The following SLC20A2 variants were observed in gnomAD, a reference collection of about 807,000 sequenced individuals.
The protein encoded by SLC20A2 is solute carrier family 20 member 2.
A neutral mutation model predicts 61.0 loss-of-function variants in SLC20A2; 30 were observed. The observed-to-expected ratio is 0.49, with a 90% CI of 0.37 to 0.67. SLC20A2 has a LOEUF of 0.67. SLC20A2 is among the 30% of genes least tolerant of loss of function. SLC20A2 has a pLI of 0.00. For synonymous variants in SLC20A2, 351 were observed against 353.3 expected (o/e 0.99, Z 0.07); for missense variants, 626 against 866.4 (o/e 0.72, Z 3.48).
intron 1 of SLC20A2, among the ~76,000 whole-genome samples, chr8:42,477,078 T>G (rs941759339): frequency 2.0e-5 from 3 of 152,192 alleles, no homozygotes; most frequent in African/African-American, 7.2e-5. Context: ...TCGGAAAGCA[T>G]AAGGCCCCGT....
intron 1 of SLC20A2, among the ~76,000 whole-genome samples, chr8:42,524,154 A>T (rs904966700): frequency 6.6e-6 from 1 of 152,234 alleles, no homozygotes; most frequent in African/African-American, 2.4e-5. Context: ...TTTTCACTAA[A>T]GCCACATTTT....
At chr8:42,540,355 C>T (rs1813019219) in intron 1 of SLC20A2, among the ~76,000 whole-genome samples, 1 of 152,156 alleles carries the variant, frequency 6.6e-6, no homozygotes, top group African/African-American at 2.4e-5. Flanking sequence ...ATCAAACTCA[C>T]GTATTCAAAT....
chr8:42,531,553 A>C (rs1004551624), intron 1 of SLC20A2, among the ~76,000 whole-genome samples: 1 of 152,190 alleles, frequency 6.6e-6, no homozygotes, highest in Non-Finnish European at 1.5e-5. Context: ...TAGAAGAATA[A>C]AGGAAAAATA....
At chr8:42,462,928 C>T in intron 4 of SLC20A2, 77 bp downstream of exon 4, 1 of 763,906 alleles carries the variant, frequency 1.3e-6, no homozygotes, top group African/African-American at 1.8e-5. Flanking sequence ...TCCTCTAACC[C>T]CTCTCATTAT....
chr8:42,485,034 G>A (rs890345372), intron 1 of SLC20A2: 2 of 221,360 alleles, frequency 9.0e-6, no homozygotes, highest in South Asian at 6.1e-5. Flanking sequence ...TCGAAACTGC[G>A]GGAGGGAGGT....
Position 42,437,449 on chromosome 8 carries a change from T to C in SLC20A2, c.1063A>G (p.Lys355Glu). 1 of 1,614,114 alleles carries C rather than the reference T, an allele frequency of 6.2e-7. No homozygotes were observed. Among genetic ancestry groups the C allele is most frequent in the Non-Finnish European group, 8.5e-7 (1 of 1,180,004 alleles). The change falls in exon 8 of 11, where the codon AAA (lysine) becomes GAA (glutamate). Residue 355 changes from lysine to glutamate, a missense_variant. Lys to Glu is a moderately conservative substitution (Grantham distance 56). Transcript: ENST00000520262. This position sits in a 1 kb window ranked among gnomAD's most constrained non-coding sequence, Gnocchi z 6.4. ...HTVHKDSGLY[K>E]DLLHKIHIDR... The stretch of plus-strand genomic sequence containing the variant: ...ATGTGGATTTTGTGCAGCAGATCTT[T>C]GTAGAGCCCCGAGTCTTTGTGCACG...
At chr8:42,506,671 G>A (rs2131363505) in intron 1 of SLC20A2, among the ~76,000 whole-genome samples, 1 of 152,344 alleles carries the variant, frequency 6.6e-6, no homozygotes, top group South Asian at 2.1e-4. Context: ...CTCTGTAGCT[G>A]CGCCAGCCTG....
intron 10 of SLC20A2, chr8:42,419,636 G>C (rs1802911707): frequency 1.3e-6 from 1 of 776,404 alleles, no homozygotes; most frequent in Non-Finnish European, 1.6e-6. Flanking sequence ...CTACTTCAAG[G>C]AAGAGCTCTT....
intron 1 of SLC20A2, among the ~76,000 whole-genome samples, chr8:42,517,280 A>T (rs1055713642): frequency 9.2e-5 from 14 of 151,600 alleles, no homozygotes; most frequent in Non-Finnish European, 1.9e-4. Context: ...AGGTGGGAGG[A>T]TCACCTGAAC....
At chr8:42,445,650 C>T (rs1805152683) in intron 5 of SLC20A2, among the ~76,000 whole-genome samples, 1 of 152,180 alleles carries the variant, frequency 6.6e-6, no homozygotes, top group Non-Finnish European at 1.5e-5. Flanking sequence ...TCACTTGAGC[C>T]TGGGAGGCGG....
intron 2 of SLC20A2, among the ~76,000 whole-genome samples, chr8:42,468,004 G>A (rs927217087): frequency 5.9e-5 from 9 of 151,472 alleles, no homozygotes; most frequent in East Asian, 5.8e-4. Flanking sequence ...CTGGGTTCAC[G>A]CCATTCTCCT....
rs1253158584 is a variant in SLC20A2 at position 42,437,851 on chromosome 8, T to A, written c.935-274A>T. On this transcript the variant is annotated intron_variant, in intron 7 of 10. Transcript: ENST00000520262. The surrounding 1 kb of genome is among the most constrained non-coding windows in gnomAD (Gnocchi z 6.4). Reference sequence around the variant, plus strand: ...GGATGGTCTCAAGCTCCTAACCTCATGATCCGCCCACCTTGGCCTCCTAAA... The same window carrying A: ...GGATGGTCTCAAGCTCCTAACCTCAAGATCCGCCCACCTTGGCCTCCTAAA... Among the ~76,000 whole-genome samples the A allele has an allele frequency of 6.6e-6, 1 of 151,608 alleles. No homozygotes were observed. Among genetic ancestry groups the A allele is most frequent in the Non-Finnish European group, 1.5e-5 (1 of 67,864 alleles).
intron 10 of SLC20A2, among the ~76,000 whole-genome samples, chr8:42,423,699 A>G (rs967970643): frequency 6.6e-6 from 1 of 152,118 alleles, no homozygotes; most frequent in Admixed American, 6.5e-5. Context: ...CTAAGACAGT[A>G]ATTTCTGAGT....
At chr8:42,435,406 C>T (rs560443217) in intron 8 of SLC20A2, among the ~76,000 whole-genome samples, 3 of 152,260 alleles carry the variant, frequency 2.0e-5, no homozygotes, top group South Asian at 2.1e-4. Flanking sequence ...AGAAACCGAG[C>T]GAGTGGGGAG....
intron 1 of SLC20A2, chr8:42,541,387 G>GGCGGCGCGCGCAGCCCGGGCGGGGGTC (rs1279048215): frequency 5.3e-4 from 78 of 147,794 alleles, no homozygotes; most frequent in African/African-American, 1.9e-3. Context: ...GCTCGCGGGA[G>GGCGGCGCGCGCAGCCCGGGCGGGGGTC]GCGGCGCGCG....
Position 42,417,576 on chromosome 8 carries a change from C to A in SLC20A2, c.*227G>T. ...GCACCACATTATATCACCACGATAC[C>A]AGTTTAATACATATTATTATGTACA... is the stretch of plus-strand genomic sequence containing the variant. On this transcript the variant is annotated 3_prime_UTR_variant, in exon 11 of 11. Coordinates refer to ENST00000520262, the MANE Select transcript of SLC20A2 (RefSeq NM_001257180.2). The A allele has an allele frequency of 2.6e-6, 1 of 379,478 alleles. No homozygotes were observed. Among genetic ancestry groups the A allele is most frequent in the Non-Finnish European group, 4.8e-6 (1 of 208,204 alleles). 23.5% of individuals were successfully genotyped at this position (379,478 alleles called of 1,614,324 possible). A position where few individuals can be genotyped will look rare whatever the true frequency, so the allele number is the denominator to read the frequency against.
chr8:42,485,433 G>A lies in SLC20A2; in HGVS notation c.-264-12779C>T, dbSNP rs528263317. On this transcript the variant is annotated intron_variant, in intron 1 of 10. Transcript: ENST00000520262. The stretch of plus-strand genomic sequence containing the variant: ...GAGGCGGGTGAATCGCCTGAGGTCA[G>A]GAGTTCGAGACCAGCCTGGCCAACA... Among the ~76,000 whole-genome samples the A allele has an allele frequency of 3.4e-4, 51 of 150,646 alleles. No individual in the cohort carries two copies. In the South Asian group the frequency reaches 0.01, roughly 30 times the overall value.
At chr8:42,505,093 G>A (rs967418344), upstream of SLC20A2, among the ~76,000 whole-genome samples, 1 of 98,250 alleles carries the variant, frequency 1.0e-5, no homozygotes, top group Admixed American at 1.3e-4. Flanking sequence ...CAAGAGGGAC[G>A]CAATACCCCC....
At chr8:42,438,050 T>TAAAAA (rs1257674048) in intron 7 of SLC20A2, among the ~76,000 whole-genome samples, 1 of 15,954 alleles carries the variant, frequency 6.3e-5, no homozygotes, top group Non-Finnish European at 1.5e-4. Flanking sequence ...TGGTTACCAC[T>TAAAAA]AAAAAAAAAA....
Sources: gnomAD v4.1 joint callset for allele counts (sites outside exome capture counted in the v4.1 genomes callset) on GRCh38, gnomAD v4.1.1 for gene constraint, Gnocchi (gnomAD v3.1) non-coding constraint, MANE v1.5 for transcripts, NCBI Gene and HGNC (gene_info 2026-07-23, HGNC 2026-07-21) for gene names.